Variants in MGAT4D observed in about 807,000 individuals in gnomAD.
MGAT4D encodes the protein MGAT4 family member D.
A neutral mutation model predicts 15.9 loss-of-function variants in MGAT4D; 34 were observed. That is an observed-to-expected ratio of 2.14 (90% CI 1.62 to 2.84). The LOEUF is 2.84. MGAT4D is among the 30% of genes most tolerant of loss of function. MGAT4D has a pLI of 0.00. For missense variants in MGAT4D, 327 were observed against 140.2 expected (o/e 2.33, Z -6.73); for synonymous variants, 112 against 48.2 (o/e 2.33, Z -5.49).
intron 4 of MGAT4D, among the ~76,000 whole-genome samples, chr4:140,472,354 A>C (rs934740452): frequency 6.6e-6 from 1 of 152,118 alleles, no homozygotes; most frequent in African/African-American, 2.4e-5. Context: ...TAGATGACAG[A>C]CTCCTGCAAA....
intron 9 of MGAT4D, among the ~76,000 whole-genome samples, chr4:140,454,361 T>G (rs761420925): frequency 5.3e-5 from 8 of 152,230 alleles, no homozygotes; most frequent in Non-Finnish European, 8.8e-5. Context: ...TCAGTTGATA[T>G]TAACATGTGG....
At chr4:140,466,458 G>A (rs887564501) in intron 5 of MGAT4D, among the ~76,000 whole-genome samples, 1 of 152,062 alleles carries the variant, frequency 6.6e-6, no homozygotes. Context: ...ATTTGCTGAA[G>A]CATAGAAAAG....
intron 9 of MGAT4D, among the ~76,000 whole-genome samples, chr4:140,455,232 A>AGCAGTGAAAGCTTTCTCTCTAAT (rs2126696039): frequency 6.6e-6 from 1 of 152,220 alleles, no homozygotes; most frequent in South Asian, 2.1e-4. Flanking sequence ...TTTCTCTCTA[A>AGCAGTGAAAGCTTTCTCTCTAAT]GCAGTGCTTT....
At chr4:140,457,123 G>C (rs1331410489) in intron 8 of MGAT4D, 2 of 151,856 alleles carry the variant, frequency 1.3e-5, no homozygotes, top group East Asian at 3.9e-4. Context: ...TTCGTTGTTA[G>C]TACTTAATTT....
chr4:140,465,663 A>G (rs1731485887), intron 5 of MGAT4D, among the ~76,000 whole-genome samples: 3 of 152,232 alleles, frequency 2.0e-5, no homozygotes, highest in Admixed American at 2.0e-4. Flanking sequence ...GTGATTTTAA[A>G]TGAGATTGGA....
intron 3 of MGAT4D, among the ~76,000 whole-genome samples, chr4:140,478,967 C>T (rs1227989982): frequency 6.6e-6 from 1 of 152,140 alleles, no homozygotes; most frequent in Non-Finnish European, 1.5e-5. Flanking sequence ...GTGACTCACT[C>T]ACTGGAATGA....
intron 10 of MGAT4D, among the ~76,000 whole-genome samples, chr4:140,449,362 TTTTA>T (rs1730326219): frequency 6.6e-6 from 1 of 152,196 alleles, no homozygotes; most frequent in Admixed American, 6.5e-5. Context: ...CATATTTTTG[TTTTA>T]TTAAGTTATT....
chr4:140,496,710 G>T (rs916487110), intron 1 of MGAT4D, among the ~76,000 whole-genome samples: 1 of 152,086 alleles, frequency 6.6e-6, no homozygotes, highest in Non-Finnish European at 1.5e-5. Context: ...GGGCATGGTG[G>T]CACATGCCTG....
At chr4:140,488,194 C>A (rs1418281501) in intron 1 of MGAT4D, among the ~76,000 whole-genome samples, 1 of 152,144 alleles carries the variant, frequency 6.6e-6, no homozygotes, top group African/African-American at 2.4e-5. Context: ...GCTTACTTGC[C>A]CTGGTCTACC....
intron 1 of MGAT4D, among the ~76,000 whole-genome samples, chr4:140,483,548 A>C (rs904033578): frequency 1.3e-5 from 2 of 152,100 alleles, no homozygotes; most frequent in African/African-American, 2.4e-5. Flanking sequence ...AAAAGACCCC[A>C]AAAAGCCAAA....
Position 140,462,000 on chromosome 4 carries a change from G to A in MGAT4D, c.691C>T (p.Arg231Ter), listed in dbSNP as rs943758301. ...CAAAAATCCAATACCTGTTTGATTC[G>A]CCAACTAAAGGTAATCAATAAGATC... ...AEASQKLASW[R>*]IKQVLDFCIL... is the part of the protein sequence containing the mutation. The change falls in exon 7 of 11, where the codon CGA becomes TGA. Residue 231 changes from arginine (R) to a stop codon, truncating the protein, a stop_gained. Transcript: ENST00000511113. LOFTEE classifies it high-confidence loss of function. The A allele has an allele frequency of 1.4e-5, 10 of 699,208 alleles. No individual in the cohort carries two copies. The highest frequency in any genetic ancestry group is 1.3e-4 in the East Asian group (5 of 37,172). 43.3% of individuals were successfully genotyped at this position (699,208 alleles called of 1,614,324 possible). A position where few individuals can be genotyped will look rare whatever the true frequency, so the allele number is the denominator to read the frequency against.
intron 5 of MGAT4D, among the ~76,000 whole-genome samples, chr4:140,468,517 T>C (rs1295431201): frequency 1.3e-5 from 2 of 152,186 alleles, no homozygotes; most frequent in Admixed American, 6.5e-5. Context: ...GTCAGGAGTC[T>C]CCTATAAGAA....
At chr4:140,468,031 A>G (rs1731656285) in intron 5 of MGAT4D, among the ~76,000 whole-genome samples, 1 of 150,278 alleles carries the variant, frequency 6.7e-6, no homozygotes, top group Non-Finnish European at 1.5e-5. Flanking sequence ...TACCTTTGAT[A>G]ATGTTTTAAA....
chr4:140,456,606 C>G lies in MGAT4D; in HGVS notation c.991G>C (p.Asp331His), dbSNP rs1365014920. Residue 331 changes from aspartate to histidine, a missense_variant, in exon 9 of 11, where the codon GAC (aspartate) becomes CAC (histidine). Physicochemically the swap from Asp to His is moderately conservative, Grantham distance 81. Transcript: ENST00000511113. Reference sequence around the variant, plus strand: ...ATACTCACAAGATCTTCTCCTGCGTCACACACCTTTACCTGAAAAATGTCA... The same window carrying G: ...ATACTCACAAGATCTTCTCCTGCGTGACACACCTTTACCTGAAAAATGTCA... ...LNDIFQVKVC[D>H]AGEDLRNCMK... 1 of 681,658 alleles carries G rather than the reference C, an allele frequency of 1.5e-6. No individual in the cohort carries two copies. The highest frequency in any genetic ancestry group is 2.7e-6 in the Non-Finnish European group (1 of 375,322). The allele number at this position is 681,658 out of a possible 1,614,324, so 42.2% of individuals were successfully genotyped here. A position where few individuals can be genotyped will look rare whatever the true frequency, so the allele number is the denominator to read the frequency against.
intron 1 of MGAT4D, among the ~76,000 whole-genome samples, chr4:140,487,125 T>A (rs1733190829): frequency 1.3e-5 from 2 of 152,262 alleles, no homozygotes; most frequent in African/African-American, 4.8e-5. Context: ...ATCTGCTTCT[T>A]GTACATTTTT....
chr4:140,484,918 T>C (rs951572204), intron 1 of MGAT4D, among the ~76,000 whole-genome samples: 2 of 152,172 alleles, frequency 1.3e-5, no homozygotes, highest in Non-Finnish European at 2.9e-5. Flanking sequence ...CTGGAGAGGA[T>C]GTGGAGAAAT....
intron 3 of MGAT4D, among the ~76,000 whole-genome samples, chr4:140,478,050 T>A (rs1368174197): frequency 6.6e-6 from 1 of 152,218 alleles, no homozygotes; most frequent in Non-Finnish European, 1.5e-5. Context: ...GTGTTAGGAT[T>A]TTTTTAGTTG....
Position 140,473,576 on chromosome 4 carries a change from T to A in MGAT4D, c.525+1237A>T, listed in dbSNP as rs550850824. ...ATGAGGCATAGATGAATTAAGTAAGTTGCTCAAGTTCACTGGTTGGGAAGT... is the reference window on the plus strand; with the variant it reads ...ATGAGGCATAGATGAATTAAGTAAGATGCTCAAGTTCACTGGTTGGGAAGT... On this transcript the variant is annotated intron_variant, in intron 4 of 10. Coordinates refer to ENST00000511113, the MANE Select transcript of MGAT4D (RefSeq NM_001277353.2). 1.5e-4 allele frequency among the ~76,000 whole-genome samples: 23 copies of A among 152,368 alleles called. No homozygotes were observed. In the East Asian group the frequency reaches 4.4e-3, roughly 29 times the overall value.
At chr4:140,477,827 G>A (rs1399773189) in intron 3 of MGAT4D, among the ~76,000 whole-genome samples, 1 of 152,214 alleles carries the variant, frequency 6.6e-6, no homozygotes, top group Non-Finnish European at 1.5e-5. Context: ...AGAATGGATT[G>A]ACTTTGGTGA....
Sources: gnomAD v4.1 joint callset for allele counts (sites outside exome capture counted in the v4.1 genomes callset) on GRCh38, gnomAD v4.1.1 for gene constraint, MANE v1.5 for transcripts, NCBI Gene and HGNC (gene_info 2026-07-23, HGNC 2026-07-21) for gene names.